The following CLVS1 variants were observed in gnomAD, a reference collection of about 807,000 sequenced individuals.
CLVS1 encodes clavesin 1.
Under a neutral mutation model 33.1 loss-of-function variants are expected in CLVS1, and 10 were observed. The observed-to-expected ratio is 0.30, with a 90% CI of 0.19 to 0.51. The LOEUF (loss-of-function observed/expected upper bound fraction) is 0.51. Ranked by LOEUF, CLVS1 falls within the 20% of genes least tolerant of loss-of-function variation. CLVS1 has a pLI of 0.97. For synonymous variants in CLVS1, 163 were observed against 166.1 expected (o/e 0.98, Z 0.14); for missense variants, 343 against 433.4 (o/e 0.79, Z 1.85).
chr8:61,363,622 A>G (rs550857837), intron 2 of CLVS1, among the ~76,000 whole-genome samples: 1 of 152,346 alleles, frequency 6.6e-6, no homozygotes, highest in African/African-American at 2.4e-5. Flanking sequence ...AGAACTTTGG[A>G]TAGGAAAAGT....
At chr8:61,454,833 G>A (rs146972306) in intron 4 of CLVS1, among the ~76,000 whole-genome samples, 3 of 152,270 alleles carry the variant, frequency 2.0e-5, no homozygotes, top group African/African-American at 7.2e-5. Context: ...ATTTTGATGA[G>A]CTGAGTAACT....
intron 1 of CLVS1, among the ~76,000 whole-genome samples, chr8:61,103,977 A>C (rs1039609643): frequency 1.3e-5 from 2 of 152,222 alleles, no homozygotes; most frequent in Non-Finnish European, 2.9e-5. Flanking sequence ...TTTGGTATTC[A>C]GGGTCATGAT....
chr8:61,112,704 C>T (rs10108877), intron 1 of CLVS1, among the ~76,000 whole-genome samples: 3 of 152,020 alleles, frequency 2.0e-5, no homozygotes, highest in Non-Finnish European at 2.9e-5. Flanking sequence ...CTTGATTGAA[C>T]CTCAGACTGG....
chr8:61,252,690 T>C (rs1277939761), intron 2 of CLVS1, among the ~76,000 whole-genome samples: 1 of 152,248 alleles, frequency 6.6e-6, no homozygotes, highest in African/African-American at 2.4e-5. Context: ...TTTGTCTCCT[T>C]TGATCTTTGT....
At chr8:61,139,116 C>G (rs1168920220) in intron 2 of CLVS1, among the ~76,000 whole-genome samples, 2 of 152,266 alleles carry the variant, frequency 1.3e-5, no homozygotes, top group African/African-American at 4.8e-5. Flanking sequence ...CCCTTGACCT[C>G]TGCCTTTGCC....
At chr8:61,078,738 T>C (rs1804970142) in intron 1 of CLVS1, among the ~76,000 whole-genome samples, 1 of 152,216 alleles carries the variant, frequency 6.6e-6, no homozygotes. Context: ...TTCTGTATCT[T>C]GAGAGACTCC....
At chr8:61,049,857 C>T in the CLVS1 span, among the ~76,000 whole-genome samples, 4 of 152,316 alleles carry the variant, frequency 2.6e-5, no homozygotes, top group East Asian at 1.9e-4. Flanking sequence ...ATAGAAGCGG[C>T]GCTGAAACTG....
intron 1 of CLVS1, among the ~76,000 whole-genome samples, chr8:61,115,530 C>T (rs1805704954): frequency 6.6e-6 from 1 of 151,856 alleles, no homozygotes; most frequent in Non-Finnish European, 1.5e-5. Context: ...TCCCCACTCC[C>T]CCGACCCCAC....
intron 2 of CLVS1, among the ~76,000 whole-genome samples, chr8:61,211,095 G>A (rs768591628): frequency 5.3e-5 from 8 of 152,180 alleles, no homozygotes; most frequent in Non-Finnish European, 1.0e-4. Context: ...AGAGATCCAG[G>A]AAGTGAAGAC....
In CLVS1 at chr8:61,113,234, G is replaced by A. The variant is rs554960087; in HGVS notation, c.-242-18536G>A. On this transcript the variant is annotated intron_variant, in intron 1 of 2. Coordinates refer to the CLVS1 transcript ENST00000522621. ...TACATGGGGCGGGGAGTTGTGGGGT[G>A]ATGCAGGGTAATGGAAGTTTTTGAG... 7.2e-5 allele frequency among the ~76,000 whole-genome samples: 11 copies of A among 152,284 alleles called. No individual in the cohort carries two copies. The South Asian group carries it at 2.3e-3, about 32-fold the overall frequency.
chr8:61,446,835 T>TG (rs1563556623), intron 3 of CLVS1, among the ~76,000 whole-genome samples: 1 of 152,020 alleles, frequency 6.6e-6, no homozygotes, highest in East Asian at 1.9e-4. Flanking sequence ...AAGGTTTTTT[T>TG]TTTTTTTGGC....
At chr8:61,400,303 T>C (rs1814698906) in intron 3 of CLVS1, among the ~76,000 whole-genome samples, 1 of 152,156 alleles carries the variant, frequency 6.6e-6, no homozygotes. Flanking sequence ...CAATTGTGAA[T>C]TGAGTTCATT....
intron 1 of CLVS1, among the ~76,000 whole-genome samples, chr8:61,076,471 A>G (rs1375910096): frequency 6.6e-6 from 1 of 152,112 alleles, no homozygotes; most frequent in Non-Finnish European, 1.5e-5. Flanking sequence ...CTGTGCTTCC[A>G]TTTCCTGACT....
chr8:61,196,981 G>A (rs989089555), intron 2 of CLVS1, among the ~76,000 whole-genome samples: 1 of 152,154 alleles, frequency 6.6e-6, no homozygotes. Flanking sequence ...TGAAGACACA[G>A]TGTTGGTTTC....
chr8:61,396,646 A>G, intron 3 of CLVS1, among the ~76,000 whole-genome samples: 1 of 152,122 alleles, frequency 6.6e-6, no homozygotes, highest in African/African-American at 2.4e-5. Flanking sequence ...CATTTTCATT[A>G]CCCCCAAAAA....
At chr8:61,339,448 G>A (rs1811932620) in intron 2 of CLVS1, among the ~76,000 whole-genome samples, 1 of 152,164 alleles carries the variant, frequency 6.6e-6, no homozygotes, top group African/African-American at 2.4e-5. Context: ...TGGGCATTTA[G>A]CAGCTGTGAG....
chr8:61,181,795 G>A (rs1807240586), intron 2 of CLVS1, among the ~76,000 whole-genome samples: 1 of 145,988 alleles, frequency 6.8e-6, no homozygotes, highest in Non-Finnish European at 1.5e-5. Flanking sequence ...CACCTCCCAG[G>A]ATCCTGCCAT....
chr8:61,460,735 A>G (rs944955034), intron 5 of CLVS1, among the ~76,000 whole-genome samples: 8 of 152,236 alleles, frequency 5.3e-5, no homozygotes, highest in Admixed American at 3.3e-4. Context: ...GTCAGCAAGC[A>G]AAATGCTTGG....
chr8:61,042,542 TA>T, the CLVS1 span, among the ~76,000 whole-genome samples: 2 of 100,898 alleles, frequency 2.0e-5, no homozygotes, highest in African/African-American at 1.2e-4. Flanking sequence ...ACTCTTTGGT[TA>T]GTAGACAGTG....
Sources: allele counts gnomAD v4.1 joint callset (sites outside exome capture counted in the v4.1 genomes callset), GRCh38; gene constraint gnomAD v4.1.1; transcripts MANE v1.5; gene names NCBI Gene and HGNC (gene_info 2026-07-23, HGNC 2026-07-21).